The following DLG2 variants were observed in gnomAD, a reference collection of about 807,000 sequenced individuals.
DLG2 encodes disks large homolog 2.
In DLG2, 45 loss-of-function variants were observed where a neutral mutation model predicts 132.5. That is an observed-to-expected ratio of 0.34 (90% CI 0.27 to 0.44). The LOEUF (loss-of-function observed/expected upper bound fraction) is 0.44, where lower values mean the gene tolerates loss of function less well. DLG2 is among the 20% of genes least tolerant of loss of function. DLG2 has a pLI of 1.00. For synonymous variants in DLG2, 424 were observed against 419.6 expected (o/e 1.01, Z -0.13); for missense variants, 1,045 against 1,196.9 (o/e 0.87, Z 1.87).
intron 11 of DLG2, among the ~76,000 whole-genome samples, chr11:83,984,191 A>AC (rs2093039408): frequency 1.0e-5 from 1 of 99,218 alleles, no homozygotes; most frequent in Non-Finnish European, 2.2e-5. Context: ...AGATAGATAG[A>AC]TGATAGATAG....
intron 5 of DLG2, among the ~76,000 whole-genome samples, chr11:85,120,271 A>G (rs1024953445): frequency 6.6e-6 from 1 of 152,102 alleles, no homozygotes; most frequent in Non-Finnish European, 1.5e-5. Flanking sequence ...TTTGTAGATC[A>G]AGTGCCATGG....
At chr11:84,097,908 G>A (rs775860036) in intron 10 of DLG2, among the ~76,000 whole-genome samples, 5 of 152,042 alleles carry the variant, frequency 3.3e-5, no homozygotes, top group African/African-American at 1.2e-4. Context: ...TTTACCCCAT[G>A]AGGGTAACTC....
At chr11:85,277,240 A>G (rs1341789793) in intron 4 of DLG2, among the ~76,000 whole-genome samples, 1 of 152,168 alleles carries the variant, frequency 6.6e-6, no homozygotes, top group African/African-American at 2.4e-5. Context: ...AATCCTGACT[A>G]TGAAGACCAG....
chr11:84,499,454 T>A (rs1433594888), intron 7 of DLG2, among the ~76,000 whole-genome samples: 1 of 152,204 alleles, frequency 6.6e-6, no homozygotes, highest in Non-Finnish European at 1.5e-5. Flanking sequence ...AACACATAAG[T>A]ATTGTGCTAT....
At chr11:84,425,908 C>CCACTGGTG (rs1458559758) in intron 7 of DLG2, among the ~76,000 whole-genome samples, 1 of 152,100 alleles carries the variant, frequency 6.6e-6, no homozygotes, top group Non-Finnish European at 1.5e-5. Context: ...ATTAATGCAA[C>CCACTGGTG]CACTGGTGTG....
intron 18 of DLG2, among the ~76,000 whole-genome samples, chr11:83,695,529 C>A (rs527411934): frequency 1.3e-5 from 2 of 151,996 alleles, no homozygotes; most frequent in Non-Finnish European, 1.5e-5. Flanking sequence ...GATCACCTGA[C>A]GTCAGGAGCT....
At chr11:85,583,462 G>A (rs2078757185) in intron 3 of DLG2, among the ~76,000 whole-genome samples, 1 of 151,516 alleles carries the variant, frequency 6.6e-6, no homozygotes, top group Non-Finnish European at 1.5e-5. Flanking sequence ...GCTGAGATTA[G>A]GGGTCTTAAC....
intron 7 of DLG2, among the ~76,000 whole-genome samples, chr11:84,384,494 C>T (rs954915136): frequency 5.3e-5 from 8 of 152,026 alleles, no homozygotes; most frequent in Admixed American, 4.6e-4. Context: ...TAAGCTCACA[C>T]TTCAGTCCCT....
intron 18 of DLG2, chr11:83,720,930 A>T (rs2088361244): frequency 6.6e-6 from 1 of 152,062 alleles, no homozygotes; most frequent in Non-Finnish European, 1.5e-5. Context: ...GGGGAGCCTG[A>T]GAGCTCTTTG....
At position 85,615,339 on chromosome 11, in the gene DLG2, G is replaced by A. The variant is rs1022718134; in HGVS notation, c.-93+11248C>T. 4.6e-5 allele frequency among the ~76,000 whole-genome samples: 7 copies of A among 151,954 alleles called. No individual in the cohort carries two copies. The South Asian group carries it at 6.2e-4, about 14-fold the overall frequency. ...TCAAGACCAGCCTGGGCAACATGGC[G>A]AAACCCCATCTCTACTAAAAATACA... On this transcript the variant is annotated intron_variant, in intron 2 of 27. Transcript: ENST00000376104.
At chr11:83,763,677 A>G (rs1414523701) in intron 18 of DLG2, among the ~76,000 whole-genome samples, 1 of 152,220 alleles carries the variant, frequency 6.6e-6, no homozygotes, top group African/African-American at 2.4e-5. Context: ...ACAGTTGATC[A>G]TACCTTATAG....
At position 84,819,395 on chromosome 11, in the gene DLG2, G is replaced by A. The variant is rs891789732; in HGVS notation, c.358-284664C>T. Among the ~76,000 whole-genome samples, 9 of 151,970 alleles carry A rather than the reference G, an allele frequency of 5.9e-5. 1 individual carries two copies. Among genetic ancestry groups the A allele is most frequent in the Admixed American group, 3.9e-4 (6 of 15,230 alleles). On this transcript the variant is annotated intron_variant, in intron 6 of 27. Transcript: ENST00000376104. Reference sequence around the variant, plus strand: ...GCAGTGGTTTTTCTTCAGTGACACTGAGAAGAGAAAAGCCTTCACCAGTCC... The same window carrying A: ...GCAGTGGTTTTTCTTCAGTGACACTAAGAAGAGAAAAGCCTTCACCAGTCC...
intron 15 of DLG2, among the ~76,000 whole-genome samples, chr11:83,915,540 T>C (rs1048332169): frequency 6.6e-6 from 1 of 152,194 alleles, no homozygotes; most frequent in Non-Finnish European, 1.5e-5. Flanking sequence ...ATGTTAAAAA[T>C]GTAAAAATCT....
At chr11:85,024,907 AAAC>A (rs2060385608) in intron 6 of DLG2, among the ~76,000 whole-genome samples, 1 of 152,212 alleles carries the variant, frequency 6.6e-6, no homozygotes, top group Non-Finnish European at 1.5e-5. Context: ...AAAATAAATC[AAAC>A]ATCAGTAAGT....
chr11:84,923,520 A>G, intron 6 of DLG2: 1 of 1,033,512 alleles, frequency 9.7e-7, no homozygotes. Context: ...TGAGTTACTT[A>G]TATTTCTGGA....
chr11:84,732,453 C>G (rs2063273553), intron 6 of DLG2, among the ~76,000 whole-genome samples: 1 of 151,964 alleles, frequency 6.6e-6, no homozygotes, highest in Admixed American at 6.6e-5. Flanking sequence ...TTCACTGTAG[C>G]CATTCTAATA....
At chr11:84,283,149 T>C (rs2097870212) in intron 7 of DLG2, among the ~76,000 whole-genome samples, 1 of 152,200 alleles carries the variant, frequency 6.6e-6, no homozygotes, top group African/African-American at 2.4e-5. Flanking sequence ...ATATTGACTT[T>C]ACAACTGACA....
At chr11:83,888,867 A>G (rs1352369687) in intron 15 of DLG2, among the ~76,000 whole-genome samples, 3 of 152,214 alleles carry the variant, frequency 2.0e-5, no homozygotes, top group East Asian at 3.8e-4. Flanking sequence ...AGGATTCCGT[A>G]TTTAATACAT....
intron 6 of DLG2, among the ~76,000 whole-genome samples, chr11:84,917,959 T>C (rs559332681): frequency 1.3e-5 from 2 of 152,268 alleles, no homozygotes; most frequent in Admixed American, 1.3e-4. Context: ...GCCATAGGTG[T>C]TACTCGAACG....
Sources: allele counts gnomAD v4.1 joint callset (sites outside exome capture counted in the v4.1 genomes callset), GRCh38; gene constraint gnomAD v4.1.1; transcripts MANE v1.5; gene names NCBI Gene and HGNC (gene_info 2026-07-23, HGNC 2026-07-21).